AKAP4: variants seen among roughly 807,000 people sequenced by gnomAD.
AKAP4 encodes the protein A-kinase anchoring protein 4.
In AKAP4, 4 loss-of-function variants were observed where a neutral mutation model predicts 42.6. The ratio of observed to expected loss-of-function variants is 0.09; its 90% confidence interval spans 0.05 to 0.22. The LOEUF (loss-of-function observed/expected upper bound fraction) is 0.22, where lower values mean the gene tolerates loss of function less well. Ranked by LOEUF, AKAP4 falls within the 10% of genes least tolerant of loss-of-function variation. The pLI is 1.00. For missense variants in AKAP4, 551 were observed against 630.7 expected (o/e 0.87, Z 1.35); for synonymous variants, 223 against 233.0 (o/e 0.96, Z 0.39).
At chrX:50,195,990 C>T (rs1018691144) in intron 4 of AKAP4, among the ~76,000 whole-genome samples, 2 of 111,086 alleles carry the variant, frequency 1.8e-5, no homozygotes, top group African/African-American at 6.5e-5. Flanking sequence ...CAACTTTTTG[C>T]AAATGAGCTT....
chrX:50,192,483 T>C lies in AKAP4; in HGVS notation c.2230A>G (p.Ser744Gly). Residue 744 changes from serine (S) to glycine (G), a missense_variant, in exon 5 of 6, where the codon AGT becomes GGT. Ser to Gly is a moderately conservative substitution (Grantham distance 56). Coordinates refer to ENST00000358526, the MANE Select transcript of AKAP4 (RefSeq NM_003886.3). ...PNFRGTRCIH[S>G]GAMPQNYQDS... ...TGATAGTTCTGTGGCATTGCACCAC[T>C]GTGAATGCATCTGGTGCCCCTGAAA... 8.3e-7 allele frequency: 1 copy of C among 1,211,042 alleles called. No individual in the cohort carries two copies.
At chrX:50,199,246 T>C (rs187872023) in intron 1 of AKAP4, among the ~76,000 whole-genome samples, 6 of 111,420 alleles carry the variant, frequency 5.4e-5, no homozygotes, top group Admixed American at 2.9e-4. Flanking sequence ...ATTAGATAAA[T>C]AGCTATAACA....
Position 50,192,870 on chromosome X carries a change from C to T in AKAP4, c.1843G>A (p.Glu615Lys). 1.7e-6 allele frequency: 2 copies of T among 1,211,854 alleles called. No individual in the cohort carries two copies. Among genetic ancestry groups the T allele is most frequent in the South Asian group, 1.8e-5 (1 of 56,989 alleles). Reference protein sequence around the residue: ...RAPGPSTCQKENQHLDSQKMD... With the variant: ...RAPGPSTCQKKNQHLDSQKMD... ...TTCTGGGAGTCCAGGTGTTGGTTCT[C>T]CTTTTGACAGGTGGATGGTCCAGGG... Residue 615 changes from glutamate to lysine, a missense_variant, in exon 5 of 6, where the codon GAG becomes AAG. Physicochemically the swap from Glu to Lys is moderately conservative, Grantham distance 56 (BLOSUM62 1). Transcript: ENST00000358526.
At position 50,200,882 on chromosome X, in the gene AKAP4, G is replaced by A. The variant is rs782110275; in HGVS notation, c.8C>T (p.Ala3Val). 2.6e-5 allele frequency: 32 copies of A among 1,207,726 alleles called. No homozygotes were observed. The highest frequency in any genetic ancestry group is 3.4e-5 in the Non-Finnish European group (30 of 892,536). MM[A>V]YSDTTMMSDD... ...CCCTACCATTGTAGTATCAGAGTAC[G>A]CCATCATGTAGGACCCTGGAATGAT... The change falls in exon 1 of 6, where the codon GCG (alanine) becomes GTG (valine). Residue 3 changes from alanine to valine, a missense_variant. Ala to Val is a moderately conservative substitution (Grantham distance 64). Transcript: ENST00000358526.
At chrX:50,199,478 A>C (rs1935233445) in intron 1 of AKAP4, among the ~76,000 whole-genome samples, 1 of 109,127 alleles carries the variant, frequency 9.2e-6, no homozygotes, top group African/African-American at 3.4e-5. Context: ...AAGAAAAAAT[A>C]ATCTCTGCCA....
intron 1 of AKAP4, among the ~76,000 whole-genome samples, chrX:50,199,913 C>T (rs1935242027): frequency 1.2e-5 from 1 of 85,694 alleles, no homozygotes; most frequent in African/African-American, 4.4e-5. Flanking sequence ...TTCTCTATTC[C>T]CCTACAGCAT....
chrX:50,190,862 TTG>T lies in AKAP4; in HGVS notation c.*96_*97del, dbSNP rs1376803347. The stretch of plus-strand genomic sequence containing the variant: ...TGCTCAAGTGTATTGGGAAATACAG[TTG>T]TGTATTGTGCAGTTGACTGGCCTGA... On this transcript the variant is annotated 3_prime_UTR_variant, in exon 6 of 6. Transcript: ENST00000358526. The T allele has an allele frequency of 3.0e-6, 3 of 1,001,002 alleles. No individual in the cohort carries two copies. In the African/African-American group the frequency reaches 5.7e-5, roughly 19 times the overall value. 82.5% of individuals were successfully genotyped at this position (1,001,002 alleles called of 1,213,427 possible).
At position 50,190,780 on chromosome X, in the gene AKAP4, T is replaced by G; in HGVS notation, c.*180A>C. 1 of 419,230 alleles carries G rather than the reference T, an allele frequency of 2.4e-6. No homozygotes were observed. Among genetic ancestry groups the G allele is most frequent in the Non-Finnish European group, 3.9e-6 (1 of 256,226 alleles). 34.5% of individuals were successfully genotyped at this position (419,230 alleles called of 1,213,427 possible). On this transcript the variant is annotated 3_prime_UTR_variant, in exon 6 of 6. Transcript: ENST00000358526. The stretch of plus-strand genomic sequence containing the variant: ...TCAAAAAACAATGACACATTTATTA[T>G]TATTTTTTTTTATTTTATTTCCCAG...
In AKAP4 at chrX:50,195,357, A is replaced by C. The variant is rs1355202884; in HGVS notation, c.277-921T>G. On this transcript the variant is annotated intron_variant, in intron 4 of 5. Coordinates refer to ENST00000358526, the MANE Select transcript of AKAP4 (RefSeq NM_003886.3). ...GTTATTGCATTTGTGTCAACAGTGT[A>C]TGTATCAATACGAACAAACAAGTGT... Among the ~76,000 whole-genome samples, 44 of 112,211 alleles carry C rather than the reference A, an allele frequency of 3.9e-4. No homozygotes were observed. The Admixed American group carries it at 4.1e-3, about 11-fold the overall frequency.
intron 5 of AKAP4, among the ~76,000 whole-genome samples, chrX:50,191,433 C>T (rs782721949): frequency 1.8e-4 from 20 of 111,250 alleles, no homozygotes; most frequent in Non-Finnish European, 3.2e-4. Flanking sequence ...GATGCTGGAC[C>T]CTTCAGTTAG....
At chrX:50,196,856 A>C (rs782063466) in intron 4 of AKAP4, 35 bp downstream of exon 4, 9 of 1,037,126 alleles carry the variant, frequency 8.7e-6, no homozygotes, top group Non-Finnish European at 1.2e-5. Flanking sequence ...AGCTCTGAGA[A>C]TTAGAAGTGG....
At position 50,193,949 on chromosome X, in the gene AKAP4, G is replaced by A. The variant is rs782097609; in HGVS notation, c.764C>T (p.Pro255Leu). The A allele has an allele frequency of 1.2e-5, 14 of 1,209,999 alleles. No homozygotes were observed. In the East Asian group the frequency reaches 3.3e-4, roughly 28 times the overall value. Residue 255 changes from proline to leucine, a missense_variant, in exon 5 of 6, where the codon CCT becomes CTT. Physicochemically the swap from Pro to Leu is moderately conservative, Grantham distance 98 (BLOSUM62 -3). Coordinates refer to ENST00000358526, the MANE Select transcript of AKAP4 (RefSeq NM_003886.3). ...GGGACTGATTCTCTCTTTGTTCCCAGGGGATGGACAGATTGAATGATGAAG... is the reference window on the plus strand; with the variant it reads ...GGGACTGATTCTCTCTTTGTTCCCAAGGGATGGACAGATTGAATGATGAAG... ...KCLHHSICPS[P>L]GNKERISPRT...
In AKAP4 at chrX:50,196,916, T is replaced by C; in HGVS notation, c.251A>G (p.Asp84Gly). The part of the protein sequence containing the change: ...LEEKEIIVIK[D>G]TEKKDQSKTE... ...CTTAGACTGGTCTTTCTTCTCAGTGTCCTTGATCACGATAATCTCTTTTTC... is the reference window on the plus strand; with the variant it reads ...CTTAGACTGGTCTTTCTTCTCAGTGCCCTTGATCACGATAATCTCTTTTTC... The change falls in exon 4 of 6, where the codon GAC (aspartate) becomes GGC (glycine). Residue 84 changes from aspartate (D) to glycine (G), a missense_variant. Coordinates refer to ENST00000358526, the MANE Select transcript of AKAP4 (RefSeq NM_003886.3). The C allele has an allele frequency of 8.3e-7, 1 of 1,209,176 alleles. No homozygotes were observed. The highest frequency in any genetic ancestry group is 3.0e-5 in the East Asian group (1 of 33,821).
At chrX:50,194,489 C>A in intron 4 of AKAP4, 53 bp from the exon 5 acceptor site, 2 of 998,538 alleles carry the variant, frequency 2.0e-6, no homozygotes, top group Non-Finnish European at 1.3e-6. Flanking sequence ...TACTTTTTTC[C>A]CTTATTTTAT....
At chrX:50,200,155 C>T in intron 1 of AKAP4, 1 of 696,444 alleles carries the variant, frequency 1.4e-6, no homozygotes, top group Non-Finnish European at 1.7e-6. Flanking sequence ...GGCATAGAGT[C>T]CCTCATGTGA....
intron 1 of AKAP4, among the ~76,000 whole-genome samples, chrX:50,199,586 C>G (rs17332716): frequency 9.0e-6 from 1 of 110,799 alleles, no homozygotes; most frequent in East Asian, 2.9e-4. Flanking sequence ...ATTTTTGCTA[C>G]GTAAGACCTG....
At position 50,190,809 on chromosome X, in the gene AKAP4, G is replaced by T; in HGVS notation, c.*151C>A. 2 of 510,413 alleles carry T rather than the reference G, an allele frequency of 3.9e-6. No homozygotes were observed. Among genetic ancestry groups the T allele is most frequent in the Non-Finnish European group, 6.0e-6 (2 of 330,670 alleles). 42.1% of individuals were successfully genotyped at this position (510,413 alleles called of 1,213,427 possible). A position where few individuals can be genotyped will look rare whatever the true frequency, so the allele number is the denominator to read the frequency against. ...TTTTTTTTATTTTATTTCCCAGTTTGTTGACACCTCTTACATTCACAGGCA... is the reference window on the plus strand; with the variant it reads ...TTTTTTTTATTTTATTTCCCAGTTTTTTGACACCTCTTACATTCACAGGCA... On this transcript the variant is annotated 3_prime_UTR_variant, in exon 6 of 6. Coordinates refer to ENST00000358526, the MANE Select transcript of AKAP4 (RefSeq NM_003886.3).
Position 50,192,565 on chromosome X carries a change from G to A in AKAP4, c.2148C>T (p.Asn716=), listed in dbSNP as rs12011833. 7,352 of 1,209,612 alleles carry A rather than the reference G, an allele frequency of 6.1e-3. 298 individuals are homozygous for A. The African/African-American group carries it at 0.11, about 19-fold the overall frequency. ...KLCLIMAKYS[N]DGAALAELEE... ...CCAACTCAGCAAGGGCTGCCCCATC[G>A]TTGCTATACTTAGCCATGATAAGGC... Residue 716 remains asparagine (N), a synonymous_variant, in exon 5 of 6, where the codon AAC becomes AAT. Transcript: ENST00000358526.
intron 1 of AKAP4, 79 bp from the exon 2 acceptor site, chrX:50,198,831 G>T: frequency 1.3e-6 from 1 of 765,467 alleles, no homozygotes; most frequent in Non-Finnish European, 1.9e-6. Flanking sequence ...AAGAATCTCT[G>T]GAGGGGTTCT....
Sources: gnomAD v4.1 joint callset for allele counts (sites outside exome capture counted in the v4.1 genomes callset) on GRCh38, gnomAD v4.1.1 for gene constraint, MANE v1.5 for transcripts, NCBI Gene and HGNC (gene_info 2026-07-23, HGNC 2026-07-21) for gene names.